CTNNA3: variants seen among roughly 807,000 people sequenced by gnomAD.
CTNNA3 encodes the protein catenin alpha 3.
In CTNNA3, 76 loss-of-function variants were observed where a neutral mutation model predicts 95.7. That is an observed-to-expected ratio of 0.79 (90% CI 0.66 to 0.96). The LOEUF (loss-of-function observed/expected upper bound fraction) is 0.96, where lower values mean the gene tolerates loss of function less well. Among genes scored for constraint, CTNNA3 ranks in the 40% least tolerant of loss-of-function variants. The pLI, the probability that CTNNA3 is intolerant of heterozygous loss-of-function variation, is 0.00. For missense variants in CTNNA3, 1,191 were observed against 1,089.8 expected, an observed-to-expected ratio of 1.09 and a Z score of -1.31; for synonymous variants, 431 against 374.4, an observed-to-expected ratio of 1.15 and a Z score of -1.74.
At chr10:66,909,335 C>A (rs1358504441) in intron 7 of CTNNA3, among the ~76,000 whole-genome samples, 1 of 151,992 alleles carries the variant, frequency 6.6e-6, no homozygotes, top group Admixed American at 6.6e-5. Context: ...CACAGAGAAA[C>A]CCCATCTCTA....
chr10:67,444,135 ATATG>A (rs1846649283), intron 5 of CTNNA3, among the ~76,000 whole-genome samples: 1 of 152,174 alleles, frequency 6.6e-6, no homozygotes, highest in Non-Finnish European at 1.5e-5. Flanking sequence ...AGGACAGATC[ATATG>A]TTAGGTCCCA....
At chr10:67,458,357 G>A (rs1037285255) in intron 5 of CTNNA3, among the ~76,000 whole-genome samples, 1 of 152,004 alleles carries the variant, frequency 6.6e-6, no homozygotes, top group African/African-American at 2.4e-5. Flanking sequence ...AACAAGACCA[G>A]AACAAAGAGT....
intron 13 of CTNNA3, among the ~76,000 whole-genome samples, chr10:66,153,762 A>G (rs980492120): frequency 1.3e-5 from 2 of 151,836 alleles, no homozygotes; most frequent in Non-Finnish European, 2.9e-5. Flanking sequence ...CACTAAGACT[A>G]AAAAATGAAA....
At chr10:67,509,387 T>C (rs1200654040) in intron 5 of CTNNA3, among the ~76,000 whole-genome samples, 1 of 152,106 alleles carries the variant, frequency 6.6e-6, no homozygotes, top group Non-Finnish European at 1.5e-5. Flanking sequence ...TTCCCTGCCC[T>C]GTGTCCAAGT....
chr10:66,625,292 A>C (rs1426993126), intron 9 of CTNNA3, among the ~76,000 whole-genome samples: 1 of 152,124 alleles, frequency 6.6e-6, no homozygotes, highest in Non-Finnish European at 1.5e-5. Context: ...GCTCTAAAAA[A>C]CATTGTAGAT....
At chr10:65,981,673 G>T (rs1183174043) in intron 16 of CTNNA3, among the ~76,000 whole-genome samples, 1 of 151,966 alleles carries the variant, frequency 6.6e-6, no homozygotes, top group East Asian at 1.9e-4. Flanking sequence ...GAACAGAATA[G>T]AGAACCCAGA....
chr10:67,415,578 G>A (rs1013582771), intron 5 of CTNNA3, among the ~76,000 whole-genome samples: 5 of 152,162 alleles, frequency 3.3e-5, no homozygotes, highest in African/African-American at 1.2e-4. Context: ...ACTGCCTAAA[G>A]CAATTTACAG....
chr10:65,966,675 C>T lies in CTNNA3; in HGVS notation c.2337G>A (p.Leu779=). The change falls in exon 17 of 18, where the codon CTG becomes CTA. Residue 779 remains leucine (L), a synonymous_variant. Coordinates refer to ENST00000433211, the MANE Select transcript of CTNNA3 (RefSeq NM_013266.4). The part of the protein sequence containing the change: ...LEQIKFYSHQ[L]KICSQVKAEI... ...CAGCTTTAACTTGACTGCAGATTTT[C>T]AGTTGGTGGGAGTAGAACTTAATCT... The T allele has an allele frequency of 6.2e-7, 1 of 1,613,946 alleles. No homozygotes were observed. Among genetic ancestry groups the T allele is most frequent in the Non-Finnish European group, 8.5e-7 (1 of 1,179,882 alleles).
intron 2 of CTNNA3, among the ~76,000 whole-genome samples, chr10:67,626,442 C>A (rs1006083740): frequency 3.8e-4 from 58 of 152,194 alleles, no homozygotes; most frequent in African/African-American, 1.3e-3. Flanking sequence ...GGTTCTGAAT[C>A]ACTTGGTAGT....
At chr10:66,261,900 T>C (rs1367877455) in intron 13 of CTNNA3, among the ~76,000 whole-genome samples, 1 of 151,846 alleles carries the variant, frequency 6.6e-6, no homozygotes, top group Non-Finnish European at 1.5e-5. Context: ...ATCTCCACAC[T>C]TTGACCCACT....
chr10:66,331,373 A>G (rs1375685165), intron 12 of CTNNA3, among the ~76,000 whole-genome samples: 3 of 39,804 alleles, frequency 7.5e-5, no homozygotes, highest in South Asian at 8.5e-4. Context: ...TTTTTTTTTG[A>G]GACGGAGTTT....
At chr10:66,378,640 A>G (rs539156777) in intron 12 of CTNNA3, among the ~76,000 whole-genome samples, 2 of 152,278 alleles carry the variant, frequency 1.3e-5, no homozygotes, top group African/African-American at 4.8e-5. Context: ...AATCAACACA[A>G]AAGAGTGGTT....
intron 7 of CTNNA3, among the ~76,000 whole-genome samples, chr10:67,119,400 TA>T (rs978587559): frequency 6.6e-6 from 1 of 151,516 alleles, no homozygotes; most frequent in African/African-American, 2.4e-5. Flanking sequence ...CTACCGGAGA[TA>T]AAAAAAACAT....
intron 7 of CTNNA3, among the ~76,000 whole-genome samples, chr10:66,896,853 G>C (rs528758327): frequency 6.6e-6 from 1 of 152,244 alleles, no homozygotes; most frequent in Admixed American, 6.5e-5. Flanking sequence ...TCGGCTCAAG[G>C]CCTCTCAGTC....
chr10:67,762,917 C>T (rs181235481), intron 1 of CTNNA3, among the ~76,000 whole-genome samples: 1 of 152,246 alleles, frequency 6.6e-6, no homozygotes, highest in East Asian at 1.9e-4. Flanking sequence ...GATCACGACC[C>T]TCTCACGCGG....
chr10:67,626,469 GA>G (rs1340117897), intron 2 of CTNNA3, among the ~76,000 whole-genome samples: 4 of 151,518 alleles, frequency 2.6e-5, no homozygotes, highest in Admixed American at 6.6e-5. Context: ...TGGTTTAAAA[GA>G]AAAAAAACTG....
At chr10:66,236,817 T>C (rs2089874374) in intron 13 of CTNNA3, among the ~76,000 whole-genome samples, 2 of 151,918 alleles carry the variant, frequency 1.3e-5, no homozygotes, top group African/African-American at 2.4e-5. Context: ...ATATAGTTGA[T>C]AAAAGCCTCA....
intron 7 of CTNNA3, among the ~76,000 whole-genome samples, chr10:67,078,519 A>T (rs7919830): frequency 0.61 from 91,557 of 150,662 alleles, 28,456 homozygotes; most frequent in African/African-American, 0.78. Flanking sequence ...TACCTTTTTT[A>T]TTATTATTAT....
At chr10:66,331,407 G>A (rs2092329221) in intron 12 of CTNNA3, among the ~76,000 whole-genome samples, 1 of 125,946 alleles carries the variant, frequency 7.9e-6, no homozygotes, top group South Asian at 2.6e-4. Flanking sequence ...AGGCTGGAGT[G>A]CAGTGGCGCG....
Sources: gnomAD v4.1 joint callset for allele counts (sites outside exome capture counted in the v4.1 genomes callset) on GRCh38, gnomAD v4.1.1 for gene constraint, MANE v1.5 for transcripts, NCBI Gene and HGNC (gene_info 2026-07-23, HGNC 2026-07-21) for gene names.